Variants in RAI1 observed in about 807,000 individuals in gnomAD.
RAI1 encodes retinoic acid induced 1, also known as retinoic acid-induced protein 1.
RAI1 carries 9 observed loss-of-function variants against 123.8 expected under a neutral mutation model. The ratio of observed to expected loss-of-function variants is 0.07; its 90% confidence interval spans 0.04 to 0.13. RAI1 has a LOEUF of 0.13. Among genes scored for constraint, RAI1 ranks in the 10% least tolerant of loss-of-function variants. RAI1 has a pLI of 1.00. For missense variants in RAI1, 2,256 were observed against 2,545.8 expected (o/e 0.89, Z 2.45); for synonymous variants, 1,231 against 1,127.3 (o/e 1.09, Z -1.84).
chr17:17,768,643 G>A (rs2031029112), intron 2 of RAI1, among the ~76,000 whole-genome samples: 1 of 152,244 alleles, frequency 6.6e-6, no homozygotes, highest in Non-Finnish European at 1.5e-5. Flanking sequence ...TGTGTGGAGT[G>A]CCAGCCAGGA....
chr17:17,724,988 A>C (rs955636321), intron 2 of RAI1, among the ~76,000 whole-genome samples: 1 of 24,074 alleles, frequency 4.2e-5, no homozygotes, highest in Admixed American at 5.2e-4. Flanking sequence ...GAAATCTCGC[A>C]CCTCTGCCGG....
intron 2 of RAI1, among the ~76,000 whole-genome samples, chr17:17,760,527 T>A (rs1002465933): frequency 6.6e-6 from 1 of 152,158 alleles, no homozygotes; most frequent in Non-Finnish European, 1.5e-5. Context: ...GTCCCCGCCA[T>A]GGAGAGGGGC....
chr17:17,793,930 G>A lies in RAI1; in HGVS notation c.982G>A (p.Val328Ile), dbSNP rs543870015. Residue 328 changes from valine (V) to isoleucine (I), a missense_variant, in exon 3 of 6, where the codon GTC (valine) becomes ATC (isoleucine). Coordinates refer to ENST00000353383, the MANE Select transcript of RAI1 (RefSeq NM_030665.4). Reference protein sequence around the residue: ...GQGYCQPDAAVRTPEQYYQTF... With the variant: ...GQGYCQPDAAIRTPEQYYQTF... ...GGGCTACTGCCAGCCGGACGCAGCC[G>A]TCCGGACCCCAGAGCAGTACTACCA... 7.2e-5 allele frequency: 117 copies of A among 1,613,904 alleles called. No homozygotes were observed. The East Asian group carries it at 2.2e-3, about 30-fold the overall frequency.
chr17:17,797,021 G>T lies in RAI1; in HGVS notation c.4073G>T (p.Ser1358Ile). 1 of 1,613,908 alleles carries T rather than the reference G, an allele frequency of 6.2e-7. No homozygotes were observed. Among genetic ancestry groups the T allele is most frequent in the Non-Finnish European group, 8.5e-7 (1 of 1,180,036 alleles). Reference protein sequence around the residue: ...APGASPGNPLSPSLSDKDRGL... With the variant: ...APGASPGNPLIPSLSDKDRGL... The stretch of plus-strand genomic sequence containing the variant: ...GGGGCCTCTCCTGGTAATCCTCTGA[G>T]CCCATCCCTTTCCGACAAAGACCGT... The change falls in exon 3 of 6, where the codon AGC (serine) becomes ATC (isoleucine). Residue 1358 changes from serine (S) to isoleucine (I), a missense_variant. Coordinates refer to ENST00000353383, the MANE Select transcript of RAI1 (RefSeq NM_030665.4).
rs1029465462 is a variant in RAI1, at chr17:17,808,985, G to A, written c.5660-405G>A. ...GAAGAAGACAGAGCTGGTGCCCTCT[G>A]GGAGCTTGCCTGCCAGTGGGGAAGA... On this transcript the variant is annotated intron_variant, in intron 4 of 5. Transcript: ENST00000353383. Among the ~76,000 whole-genome samples, 3 of 152,152 alleles carry A rather than the reference G, an allele frequency of 2.0e-5. No individual in the cohort carries two copies. The South Asian group carries it at 6.2e-4, about 32-fold the overall frequency.
At position 17,775,621 on chromosome 17, in the gene RAI1, AAGG is replaced by A. The variant is rs534468443; in HGVS notation, c.-16-17306_-16-17304del. 1.8e-3 allele frequency among the ~76,000 whole-genome samples: 267 copies of A among 152,272 alleles called. 2 individuals are homozygous for A. Among genetic ancestry groups the A allele is most frequent in the African/African-American group, 6.1e-3 (252 of 41,514 alleles). On this transcript the variant is annotated intron_variant, in intron 2 of 5. Coordinates refer to ENST00000353383, the MANE Select transcript of RAI1 (RefSeq NM_030665.4). ...GAAAAGAAAATGTTATTAAAATCCT[AAGG>A]AGGAGACAATCGAATCTATTTACTA...
At chr17:17,747,120 G>C (rs189558490) in intron 2 of RAI1, among the ~76,000 whole-genome samples, 11 of 152,186 alleles carry the variant, frequency 7.2e-5, no homozygotes, top group African/African-American at 2.4e-4. Context: ...AACCAGCGGG[G>C]CCTCAAGCTG....
chr17:17,722,349 C>A (rs1280377115), intron 1 of RAI1, among the ~76,000 whole-genome samples: 2 of 152,168 alleles, frequency 1.3e-5, no homozygotes, highest in African/African-American at 2.4e-5. Context: ...ATCACAGCCC[C>A]GGGGCTCGGC....
At chr17:17,733,522 A>G (rs1415131674) in intron 2 of RAI1, among the ~76,000 whole-genome samples, 1 of 152,124 alleles carries the variant, frequency 6.6e-6, no homozygotes, top group Non-Finnish European at 1.5e-5. Flanking sequence ...TCCCTGATAG[A>G]GCACCATTGT....
chr17:17,743,531 A>G (rs1263253804), intron 2 of RAI1, among the ~76,000 whole-genome samples: 2 of 152,184 alleles, frequency 1.3e-5, no homozygotes, highest in African/African-American at 4.8e-5. Flanking sequence ...GCAGCCCATC[A>G]CTGCTGGTAT....
At position 17,775,674 on chromosome 17, in the gene RAI1, G is replaced by A. The variant is rs1170193596; in HGVS notation, c.-16-17259G>A. Among the ~76,000 whole-genome samples the A allele has an allele frequency of 2.6e-5, 4 of 152,114 alleles. No individual in the cohort carries two copies. In the East Asian group the frequency reaches 5.8e-4, roughly 22 times the overall value. On this transcript the variant is annotated intron_variant, in intron 2 of 5. Transcript: ENST00000353383. ...AGTCATGAAGTAAAAGCGGATCATC[G>A]TGAAGGTCTTCATCCTCGCCGTCTT... is the stretch of plus-strand genomic sequence containing the variant.
At chr17:17,761,036 G>C (rs889513256) in intron 2 of RAI1, among the ~76,000 whole-genome samples, 2 of 152,190 alleles carry the variant, frequency 1.3e-5, no homozygotes, top group Non-Finnish European at 2.9e-5. Context: ...AAACAGACCT[G>C]GGTTCAAGCC....
rs971656390 is a variant in RAI1, at chr17:17,799,360, C to T, written c.5565+847C>T. ...AGGGGCCTGGTGGCTCTGGTGACAG[C>T]AGGGTGACGTTCTTCGTGGTGTCAC... On this transcript the variant is annotated intron_variant, in intron 3 of 5. Coordinates refer to ENST00000353383, the MANE Select transcript of RAI1 (RefSeq NM_030665.4). This position sits in a 1 kb window ranked among gnomAD's most constrained non-coding sequence, Gnocchi z 4.5. Among the ~76,000 whole-genome samples the T allele has an allele frequency of 1.5e-4, 23 of 152,140 alleles. No individual in the cohort carries two copies. Among genetic ancestry groups the T allele is most frequent in the Non-Finnish European group, 3.2e-4 (22 of 68,000 alleles).
chr17:17,708,938 C>T (rs1053915169), intron 1 of RAI1, among the ~76,000 whole-genome samples: 13 of 152,240 alleles, frequency 8.5e-5, no homozygotes, highest in Non-Finnish European at 1.5e-4. Context: ...ACCCCTGCTC[C>T]AGGCACAAAG....
intron 1 of RAI1, among the ~76,000 whole-genome samples, chr17:17,690,865 G>T (rs1305572632): frequency 6.6e-6 from 1 of 152,182 alleles, no homozygotes; most frequent in Non-Finnish European, 1.5e-5. Context: ...TTCTGGCTTG[G>T]GGTGGGCAGG....
chr17:17,760,144 G>A (rs2030628133), intron 2 of RAI1, among the ~76,000 whole-genome samples: 1 of 152,196 alleles, frequency 6.6e-6, no homozygotes, highest in Admixed American at 6.5e-5. Flanking sequence ...GCCAGCCCTG[G>A]GGGAAAGACA....
intron 2 of RAI1, among the ~76,000 whole-genome samples, chr17:17,745,499 G>A (rs919087354): frequency 6.6e-5 from 10 of 151,904 alleles, no homozygotes; most frequent in Admixed American, 5.3e-4. Context: ...GCACGATCTC[G>A]GCTCACCGCA....
chr17:17,743,898 G>C (rs1916722453), intron 2 of RAI1, among the ~76,000 whole-genome samples: 3 of 152,232 alleles, frequency 2.0e-5, no homozygotes, highest in Admixed American at 2.0e-4. Context: ...TGCAGCCCCT[G>C]GCTGGGCCGT....
rs1598092029 is a variant in RAI1 at position 17,796,628 on chromosome 17, C to T, written c.3680C>T (p.Ala1227Val). ...RPLHALKRKSAFMAPVPTKKR... is the reference protein window; with the variant it reads ...RPLHALKRKSVFMAPVPTKKR... ...CTCCATGCGCTCAAAAGGAAGTCGGCCTTCATGGCGCCGGTCCCCACCAAG... is the reference window on the plus strand; with the variant it reads ...CTCCATGCGCTCAAAAGGAAGTCGGTCTTCATGGCGCCGGTCCCCACCAAG... Residue 1227 changes from alanine (A) to valine (V), a missense_variant, in exon 3 of 6, where the codon GCC (alanine) becomes GTC (valine). Transcript: ENST00000353383. The surrounding 1 kb of genome is among the most constrained non-coding windows in gnomAD (Gnocchi z 5.8). 1 of 1,612,132 alleles carries T rather than the reference C, an allele frequency of 6.2e-7. No individual in the cohort carries two copies. Among genetic ancestry groups the T allele is most frequent in the Non-Finnish European group, 8.5e-7 (1 of 1,179,432 alleles).
Sources: allele counts gnomAD v4.1 joint callset (sites outside exome capture counted in the v4.1 genomes callset), GRCh38; gene constraint gnomAD v4.1.1; non-coding constraint Gnocchi (gnomAD v3.1); transcripts MANE v1.5; gene names NCBI Gene and HGNC (gene_info 2026-07-23, HGNC 2026-07-21).